AKAP6: variants seen among roughly 807,000 people sequenced by gnomAD.
AKAP6 encodes the protein A-kinase anchoring protein 6, also known as A-kinase anchor protein 6.
AKAP6 carries 58 observed loss-of-function variants against 188.5 expected under a neutral mutation model. The observed-to-expected ratio is 0.31, with a 90% CI of 0.25 to 0.38. AKAP6 has a LOEUF of 0.38. Ranked by LOEUF, AKAP6 falls within the 10% of genes least tolerant of loss-of-function variation. The pLI, the probability that AKAP6 is intolerant of heterozygous loss-of-function variation, is 1.00. For missense variants in AKAP6, 2,710 were observed against 2,740.0 expected (o/e 0.99, Z 0.24); for synonymous variants, 989 against 998.6 (o/e 0.99, Z 0.18).
chr14:32,461,995 A>G (rs1455637699), intron 2 of AKAP6, among the ~76,000 whole-genome samples: 1 of 151,952 alleles, frequency 6.6e-6, no homozygotes, highest in Non-Finnish European at 1.5e-5. Context: ...TTGAAGATCA[A>G]CTTACTGAAT....
At chr14:32,449,487 A>C (rs1211885101) in intron 2 of AKAP6, among the ~76,000 whole-genome samples, 1 of 146,174 alleles carries the variant, frequency 6.8e-6, no homozygotes, top group Non-Finnish European at 1.5e-5. Flanking sequence ...GTGCCACTGC[A>C]CTCCAGCCTG....
chr14:32,488,943 G>A (rs4981973), intron 2 of AKAP6, among the ~76,000 whole-genome samples: 100,483 of 152,094 alleles, frequency 0.66, 34,790 homozygotes, highest in East Asian at 0.86. Flanking sequence ...ACAGACTGGA[G>A]CTGTTCCTAT....
chr14:32,686,348 C>G (rs1164777489), intron 8 of AKAP6, among the ~76,000 whole-genome samples: 1 of 151,882 alleles, frequency 6.6e-6, no homozygotes, highest in African/African-American at 2.4e-5. Flanking sequence ...TAAAATAAAA[C>G]ACAGAGAATG....
At chr14:32,642,371 G>A (rs546762059) in intron 7 of AKAP6, among the ~76,000 whole-genome samples, 4 of 152,208 alleles carry the variant, frequency 2.6e-5, no homozygotes, top group Middle Eastern at 3.4e-3. Flanking sequence ...CAATTTTATC[G>A]CTAATAGATT....
chr14:32,657,158 T>C (rs991732273), intron 7 of AKAP6, among the ~76,000 whole-genome samples: 2 of 152,142 alleles, frequency 1.3e-5, no homozygotes, highest in Non-Finnish European at 2.9e-5. Flanking sequence ...TGGCTCTGAT[T>C]TGACATAGGG....
At chr14:32,800,250 A>G (rs1027471089) in intron 12 of AKAP6, among the ~76,000 whole-genome samples, 11 of 150,160 alleles carry the variant, frequency 7.3e-5, no homozygotes, top group Non-Finnish European at 8.9e-5. Flanking sequence ...ATATATACAA[A>G]AATTAGCCAG....
In AKAP6 at chr14:32,577,182, A is replaced by G. The variant is rs1950703; in HGVS notation, c.2409A>G (p.Glu803=). ...QWLNEAMETT[E]NWTPPKAEMD... ...TAAATGAAGCCATGGAAACTACAGA[A>G]AATTGGACTCCCCCTAAAGCAGAGA... The change falls in exon 5 of 14, where the codon GAA becomes GAG. Residue 803 remains glutamate (E), a synonymous_variant. Transcript: ENST00000280979. 0.82 allele frequency: 1,319,070 copies of G among 1,612,008 alleles called. 541,193 individuals are homozygous for G. Among genetic ancestry groups the G allele is most frequent in the East Asian group, 1 (44,787 of 44,808 alleles).
chr14:32,834,848 G>A lies in AKAP6; in HGVS notation c.*5043G>A, dbSNP rs991928624. The stretch of plus-strand genomic sequence containing the variant: ...CCATGCTTCATCCATCTAAGGCAAG[G>A]GTCAGCAAACTGTGGCACGTGGGCC... On this transcript the variant is annotated 3_prime_UTR_variant, in exon 14 of 14. Transcript: ENST00000280979. 1 of 152,106 alleles carries A rather than the reference G, an allele frequency of 6.6e-6. No individual in the cohort carries two copies. The highest frequency in any genetic ancestry group is 1.5e-5 in the Non-Finnish European group (1 of 68,032). The allele number at this position is 152,106 out of a possible 1,614,324, so 9.4% of individuals were successfully genotyped here.
rs1437449754 is a variant in AKAP6, at chr14:32,834,531, G to GTGTT, written c.*4727_*4728insGTTT. ...ATCACACACTGCTTTTAGTTTCCAA[G>GTGTT]TCTTTTTTTTTTTTTTTTTTTTTAA... On this transcript the variant is annotated 3_prime_UTR_variant, in exon 14 of 14. Transcript: ENST00000280979. The GTGTT allele has an allele frequency of 2.2e-5, 2 of 90,504 alleles. No homozygotes were observed. The highest frequency in any genetic ancestry group is 3.8e-4 in the South Asian group (1 of 2,638). 5.6% of individuals were successfully genotyped at this position (90,504 alleles called of 1,614,324 possible).
At chr14:32,389,423 A>G (rs1187178309) in intron 1 of AKAP6, among the ~76,000 whole-genome samples, 1 of 150,210 alleles carries the variant, frequency 6.7e-6, no homozygotes, top group Non-Finnish European at 1.5e-5. Context: ...TTTTAGTTGT[A>G]TTTTTGTTTT....
Position 32,677,126 on chromosome 14 carries a change from T to C in AKAP6, c.2731-1185T>C, listed in dbSNP as rs536643463. On this transcript the variant is annotated intron_variant, in intron 7 of 13. Transcript: ENST00000280979. ...CAGGCATGCATCACCGCACCCGGCC[T>C]GCAAGACCTCATTTTTCATAGGCTA... Among the ~76,000 whole-genome samples the C allele has an allele frequency of 2.0e-5, 3 of 152,356 alleles. No individual in the cohort carries two copies. The East Asian group carries it at 5.8e-4, about 29-fold the overall frequency.
chr14:32,687,999 T>C (rs1162733015), intron 8 of AKAP6, among the ~76,000 whole-genome samples: 1 of 151,994 alleles, frequency 6.6e-6, no homozygotes, highest in African/African-American at 2.4e-5. Flanking sequence ...GCTAATTTGA[T>C]GACATCCATG....
chr14:32,468,199 G>A (rs966875319), intron 2 of AKAP6, among the ~76,000 whole-genome samples: 1 of 152,070 alleles, frequency 6.6e-6, no homozygotes, highest in Non-Finnish European at 1.5e-5. Context: ...GAGAAACACT[G>A]GCACCTTGAA....
chr14:32,800,720 A>G (rs1413725245), intron 12 of AKAP6, among the ~76,000 whole-genome samples: 3 of 152,126 alleles, frequency 2.0e-5, no homozygotes, highest in Non-Finnish European at 4.4e-5. Context: ...TTTGTATTTA[A>G]AGTGGGTTTG....
chr14:32,615,591 CTTTTTT>C lies in AKAP6; in HGVS notation c.2730+14816_2730+14821del, dbSNP rs779867395. Among the ~76,000 whole-genome samples, 128 of 115,262 alleles carry C rather than the reference CTTTTTT, an allele frequency of 1.1e-3. 3 individuals are homozygous for C. The highest frequency in any genetic ancestry group is 4.7e-3 in the African/African-American group (123 of 26,050). The allele number at this position is 115,262 out of a possible 152,430, so 75.6% of individuals were successfully genotyped here. ...TGTTTCCCCCAATGCTAAACCATTA[CTTTTTT>C]TTTTTTTTTTTTTTTTGAGACAGAG... On this transcript the variant is annotated intron_variant, in intron 7 of 13. Transcript: ENST00000280979.
intron 4 of AKAP6, among the ~76,000 whole-genome samples, chr14:32,572,211 C>G (rs1256699943): frequency 6.6e-6 from 1 of 152,152 alleles, no homozygotes; most frequent in Non-Finnish European, 1.5e-5. Context: ...AGTCACTTAC[C>G]TTCTCTGATC....
intron 1 of AKAP6, among the ~76,000 whole-genome samples, chr14:32,413,361 G>A (rs75481201): frequency 4.6e-5 from 7 of 151,528 alleles, no homozygotes; most frequent in South Asian, 4.2e-4. Context: ...TTTTAAAATT[G>A]TTTGTAGCAA....
rs542544686 is a variant in AKAP6 at position 32,789,036 on chromosome 14, C to T, written c.3588+15143C>T. Among the ~76,000 whole-genome samples the T allele has an allele frequency of 3.3e-5, 5 of 151,764 alleles. No homozygotes were observed. In the East Asian group the frequency reaches 9.8e-4, roughly 30 times the overall value. On this transcript the variant is annotated intron_variant, in intron 12 of 13. Coordinates refer to ENST00000280979, the MANE Select transcript of AKAP6 (RefSeq NM_004274.5). ...TAGACTCAGCCATTCCAGCCTGCCA[C>T]CTTTGGACAATACAAACCGTATGAA...
rs8010095 is a variant in AKAP6, at chr14:32,483,924, C to T, written c.324+50107C>T. Among the ~76,000 whole-genome samples, 128 of 150,714 alleles carry T rather than the reference C, an allele frequency of 8.5e-4. 1 individual carries two copies. Among genetic ancestry groups the T allele is most frequent in the Non-Finnish European group, 1.2e-3 (84 of 67,702 alleles). On this transcript the variant is annotated intron_variant, in intron 2 of 13. Coordinates refer to ENST00000280979, the MANE Select transcript of AKAP6 (RefSeq NM_004274.5). ...GTATTTCTCCTAATGCTGTCCCTCA[C>T]CTTGCCCCCCATCCCCTGACAGACC...
Sources: allele counts gnomAD v4.1 joint callset (sites outside exome capture counted in the v4.1 genomes callset), GRCh38; gene constraint gnomAD v4.1.1; transcripts MANE v1.5; gene names NCBI Gene and HGNC (gene_info 2026-07-23, HGNC 2026-07-21).